The following PPFIA4 variants were observed in gnomAD, a reference collection of about 807,000 sequenced individuals.
PPFIA4 encodes the protein liprin-alpha-4.
A neutral mutation model predicts 145.7 loss-of-function variants in PPFIA4; 98 were observed. The ratio of observed to expected loss-of-function variants is 0.67; its 90% confidence interval spans 0.57 to 0.80. The LOEUF (loss-of-function observed/expected upper bound fraction) is 0.80, where lower values mean the gene tolerates loss of function less well. Among genes scored for constraint, PPFIA4 ranks in the 30% least tolerant of loss-of-function variants. PPFIA4 has a pLI of 0.00. For synonymous variants in PPFIA4, 628 were observed against 649.6 expected (o/e 0.97, Z 0.51); for missense variants, 1,457 against 1,632.7 (o/e 0.89, Z 1.85).
At chr1:203,042,424 T>C (rs1659760824) in intron 2 of PPFIA4, among the ~76,000 whole-genome samples, 1 of 152,194 alleles carries the variant, frequency 6.6e-6, no homozygotes, top group Non-Finnish European at 1.5e-5. Flanking sequence ...GGAGCTGGGA[T>C]GTAGCCCTTG....
In PPFIA4 at chr1:203,048,788, G is replaced by A; in HGVS notation, c.1356+74G>A. 1 of 1,544,696 alleles carries A rather than the reference G, an allele frequency of 6.5e-7. No homozygotes were observed. Among genetic ancestry groups the A allele is most frequent in the East Asian group, 2.4e-5 (1 of 42,106 alleles). ...GGGCGGGGGGAGGCGGGACTGTGATGGGCGCAGGCGGGGTCTCAATGGGGT... is the reference window on the plus strand; with the variant it reads ...GGGCGGGGGGAGGCGGGACTGTGATAGGCGCAGGCGGGGTCTCAATGGGGT... On this transcript the variant is annotated intron_variant, in intron 11 of 29. Transcript: ENST00000295706. This position sits in a 1 kb window ranked among gnomAD's most constrained non-coding sequence, Gnocchi z 5.8.
intron 17 of PPFIA4, 40 bp downstream of exon 17, chr1:203,056,195 T>C (rs1352216161): frequency 6.2e-7 from 1 of 1,613,440 alleles, no homozygotes; most frequent in Non-Finnish European, 8.5e-7. Flanking sequence ...ACGGGTTCAC[T>C]GCTCCCATGC....
chr1:203,054,747 C>T (rs1660792653), intron 15 of PPFIA4, among the ~76,000 whole-genome samples: 1 of 152,014 alleles, frequency 6.6e-6, no homozygotes, highest in African/African-American at 2.4e-5. Context: ...CGTAGGACCA[C>T]CAGCTTTTTA....
intron 28 of PPFIA4, 97 bp downstream of exon 28, chr1:203,071,857 A>G: frequency 9.1e-7 from 1 of 1,092,978 alleles, no homozygotes; most frequent in South Asian, 1.3e-5. Flanking sequence ...AATTGTTGGA[A>G]GGCTAGTCTA....
intron 13 of PPFIA4, among the ~76,000 whole-genome samples, chr1:203,050,810 C>T (rs1430798130): frequency 6.6e-6 from 1 of 151,710 alleles, no homozygotes; most frequent in Non-Finnish European, 1.5e-5. Context: ...CCCATCCTGA[C>T]CAGAAGAGAC....
rs1164904348 is a variant in PPFIA4 at position 203,071,756 on chromosome 1, A to G, written c.3389A>G (p.Asp1130Gly). ...GCCTTGGGCACAGACCGGAAGCTGG[A>G]TGACGTGAGTACCTGGCCATGAATT... Reference protein sequence around the residue: ...LLALGTDRKLDDGDDKVFRRA... With the variant: ...LLALGTDRKLGDGDDKVFRRA... Residue 1130 changes from aspartate to glycine, a missense_variant, in exon 28 of 30, where the codon GAT (aspartate) becomes GGT (glycine). This residue lies in a region of PPFIA4 where 146 missense variants were observed against 126.2 expected (regional missense o/e 1.16). Transcript: ENST00000295706. 2.5e-6 allele frequency: 4 copies of G among 1,611,116 alleles called. No homozygotes were observed. Among genetic ancestry groups the G allele is most frequent in the Non-Finnish European group, 2.5e-6 (3 of 1,177,868 alleles).
At chr1:203,028,465 G>A (rs993839970) in intron 1 of PPFIA4, among the ~76,000 whole-genome samples, 2 of 152,166 alleles carry the variant, frequency 1.3e-5, no homozygotes, top group African/African-American at 4.8e-5. Context: ...GTGATGAGGT[G>A]GGGATGAAGG....
chr1:203,070,601 A>AG (rs949373813), intron 27 of PPFIA4, among the ~76,000 whole-genome samples: 5 of 151,680 alleles, frequency 3.3e-5, no homozygotes, highest in Non-Finnish European at 7.4e-5. Context: ...AAAAAAAAAA[A>AG]AAAAAGGTTA....
In PPFIA4 at chr1:203,053,968, G is replaced by T. The variant is rs1273273600; in HGVS notation, c.1829+7G>T. 2 of 1,558,556 alleles carry T rather than the reference G, an allele frequency of 1.3e-6. No homozygotes were observed. The highest frequency in any genetic ancestry group is 1.7e-6 in the Non-Finnish European group (2 of 1,151,540). On this transcript the variant is annotated splice_region_variant and intron_variant, in intron 15 of 29. Coordinates refer to ENST00000295706, the MANE Select transcript of PPFIA4 (RefSeq NM_001304331.2). Reference sequence around the variant, plus strand: ...CCATCAATGAGGAAATCAGGTTAGGGCAGGGCTGGAGGGCTTGGGAAGTGC... The same window carrying T: ...CCATCAATGAGGAAATCAGGTTAGGTCAGGGCTGGAGGGCTTGGGAAGTGC...
At chr1:203,035,719 G>A (rs190132063) in intron 1 of PPFIA4, 23 of 451,688 alleles carry the variant, frequency 5.1e-5, no homozygotes, top group Non-Finnish European at 9.4e-5. Context: ...ATTTAAAGAC[G>A]GCCCTGGAGC....
intron 9 of PPFIA4, 74 bp downstream of exon 9, chr1:203,046,456 G>A: frequency 1.4e-6 from 2 of 1,477,480 alleles, no homozygotes; most frequent in South Asian, 2.7e-5. Context: ...GGCAGGGAAG[G>A]GAGCGCGTGG....
Position 203,048,885 on chromosome 1 carries a change from G to T in PPFIA4, c.1357-33G>T, listed in dbSNP as rs1163675309. The stretch of plus-strand genomic sequence containing the variant: ...CTCAGGTCTGGAATGGGAGAGGAAG[G>T]CAGGGGCCTGGCTCACAGCTGCTCT... On this transcript the variant is annotated intron_variant, in intron 11 of 29. Transcript: ENST00000295706. The surrounding 1 kb of genome is among the most constrained non-coding windows in gnomAD (Gnocchi z 5.8). 6.5e-7 allele frequency: 1 copy of T among 1,546,524 alleles called. No individual in the cohort carries two copies. The highest frequency in any genetic ancestry group is 8.7e-7 in the Non-Finnish European group (1 of 1,145,584).
At chr1:203,039,829 C>T (rs1659573363) in intron 2 of PPFIA4, among the ~76,000 whole-genome samples, 3 of 152,222 alleles carry the variant, frequency 2.0e-5, no homozygotes, top group Admixed American at 6.5e-5. Context: ...ACTCTTACAA[C>T]CCTGAAGTTG....
Position 203,048,383 on chromosome 1 carries a change from G to A in PPFIA4, c.1224+73G>A, listed in dbSNP as rs1660238673. 3.9e-6 allele frequency: 6 copies of A among 1,547,352 alleles called. No individual in the cohort carries two copies. In the Admixed American group the frequency reaches 1.1e-4, roughly 29 times the overall value. On this transcript the variant is annotated intron_variant, in intron 10 of 29. Coordinates refer to ENST00000295706, the MANE Select transcript of PPFIA4 (RefSeq NM_001304331.2). This position sits in a 1 kb window ranked among gnomAD's most constrained non-coding sequence, Gnocchi z 5.8. ...AGGCTCCCAGGGCGGTCTGTGGAAG[G>A]GGCACGGAGGAAGGGCCTGGCCAGG...
At chr1:203,046,603 G>A (rs1353362896) in intron 9 of PPFIA4, 3 of 450,494 alleles carry the variant, frequency 6.7e-6, no homozygotes, top group South Asian at 5.9e-5. Flanking sequence ...TCATAAGAAG[G>A]GGTGTAAAAG....
chr1:203,055,744 G>A lies in PPFIA4; in HGVS notation c.2070+72G>A. On this transcript the variant is annotated intron_variant, in intron 16 of 29. Transcript: ENST00000295706. This position sits in a 1 kb window ranked among gnomAD's most constrained non-coding sequence, Gnocchi z 4.8. The stretch of plus-strand genomic sequence containing the variant: ...CGGGGGAGGTTTTAAGGGATGGTAG[G>A]ACTCACGTGCTCTCAGCTGGGCCTG... 6.3e-7 allele frequency: 1 copy of A among 1,592,262 alleles called. No individual in the cohort carries two copies.
At position 203,048,414 on chromosome 1, in the gene PPFIA4, A is replaced by C; in HGVS notation, c.1224+104A>C. The stretch of plus-strand genomic sequence containing the variant: ...GGAGGAAGGGCCTGGCCAGGGACAC[A>C]GCCACAGAGAGTGGGAGGAGGCTGG... On this transcript the variant is annotated intron_variant, in intron 10 of 29. Coordinates refer to ENST00000295706, the MANE Select transcript of PPFIA4 (RefSeq NM_001304331.2). This position sits in a 1 kb window ranked among gnomAD's most constrained non-coding sequence, Gnocchi z 5.8. The C allele has an allele frequency of 6.8e-7, 1 of 1,474,424 alleles. No homozygotes were observed. The highest frequency in any genetic ancestry group is 9.3e-7 in the Non-Finnish European group (1 of 1,078,038). The allele number at this position is 1,474,424 out of a possible 1,614,324, so 91.3% of individuals were successfully genotyped here.
At position 203,038,952 on chromosome 1, in the gene PPFIA4, A is replaced by C; in HGVS notation, c.-57A>C. The C allele has an allele frequency of 1.0e-6, 1 of 984,504 alleles. No individual in the cohort carries two copies. Among genetic ancestry groups the C allele is most frequent in the Non-Finnish European group, 1.5e-6 (1 of 659,598 alleles). The allele number at this position is 984,504 out of a possible 1,614,324, so 61.0% of individuals were successfully genotyped here. On this transcript the variant is annotated 5_prime_UTR_variant, in exon 2 of 30. Transcript: ENST00000295706. ...TGCACTGGGTTCCCCTGGAGGTGCC[A>C]ACCCTGTGAGTCCCTCCCTGTCCCC... is the stretch of plus-strand genomic sequence containing the variant.
chr1:203,043,325 A>G lies in PPFIA4; in HGVS notation c.235-72A>G. 1.5e-6 allele frequency: 2 copies of G among 1,342,960 alleles called. No homozygotes were observed. Among genetic ancestry groups the G allele is most frequent in the Non-Finnish European group, 2.1e-6 (2 of 958,238 alleles). The allele number at this position is 1,342,960 out of a possible 1,614,324, so 83.2% of individuals were successfully genotyped here. A position where few individuals can be genotyped will look rare whatever the true frequency, so the allele number is the denominator to read the frequency against. On this transcript the variant is annotated intron_variant, in intron 2 of 29. Transcript: ENST00000295706. The surrounding 1 kb of genome is among the most constrained non-coding windows in gnomAD (Gnocchi z 4.4). The stretch of plus-strand genomic sequence containing the variant: ...AAGGGATGGGTGAGAGGATCCCACC[A>G]CTGACTTGCATGTGCAGGACACTGC...
Sources: gnomAD v4.1 joint callset for allele counts (sites outside exome capture counted in the v4.1 genomes callset) on GRCh38, gnomAD v4.1.1 for gene constraint, gnomAD v4.1.1 regional missense constraint, Gnocchi (gnomAD v3.1) non-coding constraint, MANE v1.5 for transcripts, NCBI Gene and HGNC (gene_info 2026-07-23, HGNC 2026-07-21) for gene names.